Variants in MACROD2 observed in about 807,000 individuals in gnomAD.
MACROD2 encodes the protein mono-ADP ribosylhydrolase 2.
A neutral mutation model predicts 70.4 loss-of-function variants in MACROD2; 36 were observed. The ratio of observed to expected loss-of-function variants is 0.51; its 90% confidence interval spans 0.39 to 0.68. The LOEUF (loss-of-function observed/expected upper bound fraction) is 0.68, where lower values mean the gene tolerates loss of function less well. MACROD2 is among the 30% of genes least tolerant of loss of function. The probability of loss-of-function intolerance (pLI) is 0.00; values close to 1 mark genes in which losing one functional copy is unlikely to be tolerated. For synonymous variants in MACROD2, 172 were observed against 178.8 expected (o/e 0.96, Z 0.30); for missense variants, 496 against 538.4 (o/e 0.92, Z 0.78).
chr20:14,504,352 A>T (rs116915006), intron 4 of MACROD2, among the ~76,000 whole-genome samples: 252 of 152,340 alleles, frequency 1.7e-3, no homozygotes, highest in South Asian at 0.011. Context: ...CAGATGGAAG[A>T]TCAAAAGCTC....
rs202174484 is a variant in MACROD2, at chr20:15,095,102, A to C, written c.419-134838A>C. On this transcript the variant is annotated intron_variant, in intron 5 of 17. Transcript: ENST00000684519. ...TTTTTTTTTTTTTTTTTTTAGACAG[A>C]GTCTCGCTCTGTCGTCCAGGCTGGA... 5.3e-5 allele frequency among the ~76,000 whole-genome samples: 6 copies of C among 113,960 alleles called. No individual in the cohort carries two copies. The East Asian group carries it at 1.3e-3, about 25-fold the overall frequency. The allele number at this position is 113,960 out of a possible 152,430, so 74.8% of individuals were successfully genotyped here.
At chr20:15,280,264 G>A (rs538026452) in intron 6 of MACROD2, among the ~76,000 whole-genome samples, 5 of 151,728 alleles carry the variant, frequency 3.3e-5, no homozygotes, top group African/African-American at 9.7e-5. Flanking sequence ...ATAAAACAGA[G>A]CCATTTAAAT....
intron 6 of MACROD2, among the ~76,000 whole-genome samples, chr20:15,421,075 C>T (rs553791767): frequency 8.5e-5 from 13 of 152,156 alleles, no homozygotes; most frequent in South Asian, 8.3e-4. Flanking sequence ...AATAGAGTGC[C>T]GTCCTTCCTC....
chr20:14,395,223 T>C (rs1568593048), intron 3 of MACROD2, among the ~76,000 whole-genome samples: 1 of 152,112 alleles, frequency 6.6e-6, no homozygotes, highest in African/African-American at 2.4e-5. Context: ...GGAGTGATTA[T>C]TGATTATTAG....
At chr20:14,178,867 A>G (rs2081285277) in intron 3 of MACROD2, among the ~76,000 whole-genome samples, 3 of 151,904 alleles carry the variant, frequency 2.0e-5, no homozygotes, top group African/African-American at 7.3e-5. Flanking sequence ...CTCTGCAGCA[A>G]GATATCCTGT....
At chr20:15,884,707 CA>C (rs1340885796) in intron 9 of MACROD2, among the ~76,000 whole-genome samples, 41 of 152,182 alleles carry the variant, frequency 2.7e-4, no homozygotes, top group Middle Eastern at 3.4e-3. Flanking sequence ...AACATAGAAA[CA>C]GGAGAAGATT....
At chr20:15,674,516 C>T (rs562977920) in intron 8 of MACROD2, among the ~76,000 whole-genome samples, 9 of 152,096 alleles carry the variant, frequency 5.9e-5, no homozygotes, top group African/African-American at 2.2e-4. Flanking sequence ...TCTCCTTGAC[C>T]TCCCTGACAG....
chr20:14,783,129 C>T (rs78948799), intron 5 of MACROD2, among the ~76,000 whole-genome samples: 5,139 of 152,150 alleles, frequency 0.034, 132 homozygotes, highest in Non-Finnish European at 0.049. Context: ...TTTCCATGTG[C>T]GTTTGTAAAA....
rs542577205 is a variant in MACROD2, at chr20:15,070,874, G to A, written c.419-159066G>A. 3.3e-5 allele frequency among the ~76,000 whole-genome samples: 5 copies of A among 151,364 alleles called. No homozygotes were observed. In the South Asian group the frequency reaches 1.0e-3, roughly 32 times the overall value. ...GGAGACATCTACCCGCTTTTCACTA[G>A]GGTAAACTTGAATACCTTTGTTTTG... is the stretch of plus-strand genomic sequence containing the variant. On this transcript the variant is annotated intron_variant, in intron 5 of 17. Transcript: ENST00000684519.
chr20:15,149,500 A>G (rs539626530), intron 5 of MACROD2, among the ~76,000 whole-genome samples: 6 of 152,126 alleles, frequency 3.9e-5, no homozygotes, highest in Non-Finnish European at 5.9e-5. Flanking sequence ...GGTCGGATTG[A>G]AGTCCGGGCC....
At chr20:14,177,998 A>C (rs1327302610) in intron 3 of MACROD2, among the ~76,000 whole-genome samples, 4 of 152,154 alleles carry the variant, frequency 2.6e-5, no homozygotes, top group African/African-American at 9.7e-5. Context: ...AAGATTGATA[A>C]ATTTAACACA....
At chr20:14,059,127 A>G (rs960007053) in intron 2 of MACROD2, among the ~76,000 whole-genome samples, 1 of 152,206 alleles carries the variant, frequency 6.6e-6, no homozygotes, top group South Asian at 2.1e-4. Flanking sequence ...ACTATTAAAG[A>G]TACATTAATT....
At chr20:15,480,186 C>T (rs866527051) in intron 7 of MACROD2, among the ~76,000 whole-genome samples, 2 of 152,118 alleles carry the variant, frequency 1.3e-5, no homozygotes, top group Non-Finnish European at 2.9e-5. Context: ...ATGTGAGATG[C>T]AAGTACAGAA....
intron 4 of MACROD2, among the ~76,000 whole-genome samples, chr20:14,497,849 G>A (rs1419642699): frequency 6.6e-6 from 1 of 151,738 alleles, no homozygotes; most frequent in Non-Finnish European, 1.5e-5. Context: ...TAATAGATAA[G>A]TACTGTTGTC....
intron 5 of MACROD2, among the ~76,000 whole-genome samples, chr20:15,211,321 A>T (rs74597925): frequency 0.11 from 17,304 of 152,112 alleles, 1,288 homozygotes; most frequent in African/African-American, 0.21. Flanking sequence ...ATGGATATAC[A>T]TTTGGTTATT....
intron 8 of MACROD2, among the ~76,000 whole-genome samples, chr20:15,750,895 CAG>C (rs570710811): frequency 1.3e-3 from 197 of 151,850 alleles, no homozygotes; most frequent in Non-Finnish European, 2.3e-3. Context: ...ACGACAACAA[CAG>C]AAAATATTTT....
intron 6 of MACROD2, among the ~76,000 whole-genome samples, chr20:15,346,244 G>C (rs1472050309): frequency 6.6e-6 from 1 of 152,062 alleles, no homozygotes; most frequent in Non-Finnish European, 1.5e-5. Flanking sequence ...GAACCAAAAG[G>C]TAGATATCTT....
chr20:14,380,674 TG>T (rs1428489727), intron 3 of MACROD2, among the ~76,000 whole-genome samples: 2 of 152,144 alleles, frequency 1.3e-5, no homozygotes, highest in East Asian at 1.9e-4. Context: ...CTTTCTCTAT[TG>T]ACTGGTCTCT....
At position 15,589,290 on chromosome 20, in the gene MACROD2, C is replaced by A. The variant is rs530157275; in HGVS notation, c.645+89443C>A. On this transcript the variant is annotated intron_variant, in intron 8 of 17. Transcript: ENST00000684519. Reference sequence around the variant, plus strand: ...CAACATGTGGGAATTCTGGGAGATACAATTCAAGTTGAGATTTGAATGAGA... The same window carrying A: ...CAACATGTGGGAATTCTGGGAGATAAAATTCAAGTTGAGATTTGAATGAGA... Among the ~76,000 whole-genome samples, 5 of 152,154 alleles carry A rather than the reference C, an allele frequency of 3.3e-5. No homozygotes were observed. The South Asian group carries it at 1.0e-3, about 32-fold the overall frequency.
Sources: gnomAD v4.1 joint callset for allele counts (sites outside exome capture counted in the v4.1 genomes callset) on GRCh38, gnomAD v4.1.1 for gene constraint, MANE v1.5 for transcripts, NCBI Gene and HGNC (gene_info 2026-07-23, HGNC 2026-07-21) for gene names.